The following WDR64 variants were observed in gnomAD, a reference collection of about 807,000 sequenced individuals.
The protein encoded by WDR64 is WD repeat-containing protein 64.
Under a neutral mutation model 139.3 loss-of-function variants are expected in WDR64, and 112 were observed. The ratio of observed to expected loss-of-function variants is 0.80; its 90% CI spans 0.69 to 0.94. The LOEUF (loss-of-function observed/expected upper bound fraction) is 0.94, where lower values mean the gene tolerates loss of function less well. WDR64 is among the 40% of genes least tolerant of loss of function. The probability of loss-of-function intolerance (pLI) is 0.00; values close to 1 mark genes in which losing one functional copy is unlikely to be tolerated. For synonymous variants in WDR64, 444 were observed against 437.7 expected, an observed-to-expected ratio of 1.01 and a Z score of -0.18; for missense variants, 1,206 against 1,293.1, an observed-to-expected ratio of 0.93 and a Z score of 1.03.
intron 14 of WDR64, among the ~76,000 whole-genome samples, chr1:241,752,017 G>C (rs763252664): frequency 6.6e-6 from 1 of 152,166 alleles, no homozygotes; most frequent in Non-Finnish European, 1.5e-5. Context: ...CCAGGAAGAT[G>C]ATTAATTGAC....
At chr1:241,654,670 A>G (rs930878603) in intron 1 of WDR64, among the ~76,000 whole-genome samples, 2 of 152,024 alleles carry the variant, frequency 1.3e-5, no homozygotes, top group African/African-American at 4.8e-5. Flanking sequence ...ATCTTGGTAT[A>G]GGCTGTATAG....
intron 13 of WDR64, among the ~76,000 whole-genome samples, chr1:241,745,325 G>A (rs906555867): frequency 8.5e-6 from 1 of 118,246 alleles, no homozygotes; most frequent in Non-Finnish European, 1.9e-5. Flanking sequence ...TGAATGCTGA[G>A]TTGATGGGGT....
chr1:241,677,838 T>C (rs1219554454), intron 4 of WDR64, among the ~76,000 whole-genome samples: 1 of 152,246 alleles, frequency 6.6e-6, no homozygotes, highest in Non-Finnish European at 1.5e-5. Context: ...CCATTGCTGT[T>C]AGATTATTTT....
chr1:241,709,068 C>T (rs1668070020), intron 8 of WDR64, among the ~76,000 whole-genome samples: 1 of 152,166 alleles, frequency 6.6e-6, no homozygotes, highest in African/African-American at 2.4e-5. Flanking sequence ...AGATGAATGC[C>T]TGAACTGCTG....
At position 241,757,396 on chromosome 1, in the gene WDR64, C is replaced by A. The variant is rs1397929004; in HGVS notation, c.1884C>A (p.Asn628Lys). The A allele has an allele frequency of 1.2e-5, 20 of 1,613,990 alleles. No individual in the cohort carries two copies. Among genetic ancestry groups the A allele is most frequent in the Non-Finnish European group, 1.7e-5 (20 of 1,179,922 alleles). Residue 628 changes from asparagine to lysine, a missense_variant, in exon 15 of 28, where the codon AAC (asparagine) becomes AAA (lysine). By Grantham distance (94) the Asn-to-Lys change is moderately conservative. Coordinates refer to ENST00000437684, the MANE Select transcript of WDR64 (RefSeq NM_001367482.1). ...TGAGAATGTCTACTAGAGACAGGAA[C>A]ATGGCTATTCCTTTCCCAGATGTCG... ...VHLRMSTRDR[N>K]MAIPFPDVEL...
intron 22 of WDR64, among the ~76,000 whole-genome samples, chr1:241,781,260 A>G (rs1658834767): frequency 6.6e-6 from 1 of 152,252 alleles, no homozygotes; most frequent in Admixed American, 6.5e-5. Flanking sequence ...ATAATTTTAA[A>G]GCATTTTCAC....
intron 4 of WDR64, chr1:241,676,091 A>G (rs1666544690): frequency 6.6e-6 from 1 of 152,206 alleles, no homozygotes; most frequent in South Asian, 2.1e-4. Context: ...GTTCTTCAGT[A>G]ATCTCCAGCT....
chr1:241,666,502 G>T (rs540538845), intron 2 of WDR64, among the ~76,000 whole-genome samples: 3 of 152,080 alleles, frequency 2.0e-5, no homozygotes, highest in Non-Finnish European at 4.4e-5. Context: ...TATTATTGTC[G>T]TAAGAGCATA....
chr1:241,760,586 G>A (rs1019535217), intron 15 of WDR64, among the ~76,000 whole-genome samples: 1 of 150,454 alleles, frequency 6.6e-6, no homozygotes, highest in Non-Finnish European at 1.5e-5. Flanking sequence ...AACATTAGAA[G>A]GAAAAGAACA....
chr1:241,796,241 A>G lies in WDR64; in HGVS notation c.3079-16A>G, dbSNP rs978760658. ...TCACTTTGAGTGTGTCTCACTGACT[A>G]ATTTATGGCTTCCAGATATCAAGCC... On this transcript the variant is annotated splice_polypyrimidine_tract_variant and intron_variant, in intron 26 of 27. Transcript: ENST00000437684. 2 of 1,591,796 alleles carry G rather than the reference A, an allele frequency of 1.3e-6. No homozygotes were observed. The highest frequency in any genetic ancestry group is 2.7e-5 in the African/African-American group (2 of 74,252).
chr1:241,682,164 A>G (rs1666824356), intron 6 of WDR64, among the ~76,000 whole-genome samples: 1 of 152,042 alleles, frequency 6.6e-6, no homozygotes, highest in African/African-American at 2.4e-5. Flanking sequence ...TTTTTATTGC[A>G]TTTGCTCTTG....
intron 8 of WDR64, among the ~76,000 whole-genome samples, chr1:241,704,916 G>A (rs935466708): frequency 4.3e-4 from 66 of 152,126 alleles, no homozygotes; most frequent in African/African-American, 1.6e-3. Flanking sequence ...ATGTGAATAT[G>A]ATACAACCAG....
chr1:241,670,101 G>C (rs147016134), intron 2 of WDR64, among the ~76,000 whole-genome samples: 1 of 151,788 alleles, frequency 6.6e-6, no homozygotes, highest in Non-Finnish European at 1.5e-5. Context: ...TTTTAAGTTC[G>C]CTCATTAATT....
chr1:241,677,320 T>C (rs908477121), intron 4 of WDR64: 9 of 398,576 alleles, frequency 2.3e-5, no homozygotes, highest in Middle Eastern at 6.3e-4. Flanking sequence ...CTTACAGCGA[T>C]GTATTTTTTC....
At position 241,744,425 on chromosome 1, in the gene WDR64, C is replaced by G. The variant is rs371271800; in HGVS notation, c.1503C>G (p.Tyr501Ter). ...AACTCGAGACTGGGCTCCAAGTATACCAGATTTTAGAACCTCATGGTTTCA... is the reference window on the plus strand; with the variant it reads ...AACTCGAGACTGGGCTCCAAGTATAGCAGATTTTAGAACCTCATGGTTTCA... The part of the protein sequence containing the change: ...VWELETGLQV[Y>*]QILEPHGFNT... The change falls in exon 13 of 28, where the codon TAC becomes TAG. Residue 501 changes from tyrosine to a stop codon, truncating the protein, a stop_gained. Coordinates refer to ENST00000437684, the MANE Select transcript of WDR64 (RefSeq NM_001367482.1). LOFTEE classifies it high-confidence loss of function. 1 of 1,613,922 alleles carries G rather than the reference C, an allele frequency of 6.2e-7. No homozygotes were observed. Among genetic ancestry groups the G allele is most frequent in the Non-Finnish European group, 8.5e-7 (1 of 1,179,982 alleles).
Position 241,801,558 on chromosome 1 carries a change from A to T in WDR64, c.*343A>T. 2.5e-6 allele frequency: 1 copy of T among 407,690 alleles called. No homozygotes were observed. 25.3% of individuals were successfully genotyped at this position (407,690 alleles called of 1,614,324 possible). On this transcript the variant is annotated 3_prime_UTR_variant, in exon 28 of 28. Transcript: ENST00000437684. The stretch of plus-strand genomic sequence containing the variant: ...CCTCCCATTGGTCACCTTACTCCAC[A>T]GCAAGAATGACTGTCAGAACATGTG...
chr1:241,744,852 G>T (rs553064607), intron 13 of WDR64, among the ~76,000 whole-genome samples: 1 of 152,330 alleles, frequency 6.6e-6, no homozygotes, highest in South Asian at 2.1e-4. Context: ...CCAAGAGACA[G>T]ACATCAGATT....
rs1232695749 is a variant in WDR64, at chr1:241,797,981, C to T, written c.3192+1611C>T. ...TACTAAGTGACAGAAAGAAGATGGC[C>T]AAATATGTCTTAGGTACCAGGGGGA... On this transcript the variant is annotated intron_variant, in intron 27 of 27. Transcript: ENST00000437684. 2.0e-5 allele frequency among the ~76,000 whole-genome samples: 3 copies of T among 151,914 alleles called. No homozygotes were observed. The East Asian group carries it at 5.8e-4, about 29-fold the overall frequency.
At chr1:241,672,374 A>C (rs573678035) in intron 3 of WDR64, among the ~76,000 whole-genome samples, 1 of 152,326 alleles carries the variant, frequency 6.6e-6, no homozygotes, top group East Asian at 1.9e-4. Flanking sequence ...CACTGAGCTA[A>C]GGAGGGGCCC....
Sources: gnomAD v4.1 joint callset for allele counts (sites outside exome capture counted in the v4.1 genomes callset) on GRCh38, gnomAD v4.1.1 for gene constraint, MANE v1.5 for transcripts, NCBI Gene and HGNC (gene_info 2026-07-23, HGNC 2026-07-21) for gene names.